The following AKAP12 variants were observed in gnomAD, a reference collection of about 807,000 sequenced individuals.
The protein encoded by AKAP12 is A-kinase anchoring protein 12, also known as A-kinase anchor protein 12.
A neutral mutation model predicts 79.9 loss-of-function variants in AKAP12; 32 were observed. The observed-to-expected ratio is 0.40, with a 90% CI of 0.30 to 0.54. The LOEUF is 0.54. Ranked by LOEUF, AKAP12 falls within the 20% of genes least tolerant of loss-of-function variation. The pLI, the probability that AKAP12 is intolerant of heterozygous loss-of-function variation, is 0.48. For synonymous variants in AKAP12, 808 were observed against 857.0 expected, an observed-to-expected ratio of 0.94 and a Z score of 1.00; for missense variants, 2,074 against 2,177.0, an observed-to-expected ratio of 0.95 and a Z score of 0.94.
chr6:151,275,488 T>C (rs1017950990), intron 2 of AKAP12, among the ~76,000 whole-genome samples: 2 of 152,128 alleles, frequency 1.3e-5, no homozygotes, highest in Admixed American at 6.6e-5. Context: ...AAGAAGGTGG[T>C]CAACAAAACA....
At chr6:151,273,429 A>G (rs2257102) in intron 2 of AKAP12, among the ~76,000 whole-genome samples, 96,232 of 152,020 alleles carry the variant, frequency 0.63, 31,107 homozygotes, top group African/African-American at 0.77. Flanking sequence ...CAGTATATTC[A>G]CATCCAGTGA....
Position 151,356,551 on chromosome 6 carries a change from T to C in AKAP12, c.*837T>C, listed in dbSNP as rs568565358. The C allele has an allele frequency of 6.6e-6, 1 of 152,250 alleles. No individual in the cohort carries two copies. The highest frequency in any genetic ancestry group is 1.5e-5 in the Non-Finnish European group (1 of 68,038). 9.4% of individuals were successfully genotyped at this position (152,250 alleles called of 1,614,324 possible). On this transcript the variant is annotated 3_prime_UTR_variant, in exon 5 of 5. Transcript: ENST00000402676. Reference sequence around the variant, plus strand: ...AGTAGTGAATATGTTTTATATGTTATGAAGAAAAGAATTGTTGTAAGTTTT... The same window carrying C: ...AGTAGTGAATATGTTTTATATGTTACGAAGAAAAGAATTGTTGTAAGTTTT...
chr6:151,268,730 C>G (rs1355336779), intron 2 of AKAP12, among the ~76,000 whole-genome samples: 2 of 152,098 alleles, frequency 1.3e-5, no homozygotes, highest in South Asian at 2.1e-4. Flanking sequence ...GCAACCTCTG[C>G]CTCCTGGGTT....
intron 2 of AKAP12, among the ~76,000 whole-genome samples, chr6:151,260,129 C>G (rs895526635): frequency 2.0e-5 from 3 of 152,114 alleles, no homozygotes; most frequent in African/African-American, 7.2e-5. Context: ...TGTCAGTTCG[C>G]TAACGTTTAT....
chr6:151,357,308 C>T lies in AKAP12; in HGVS notation c.*1594C>T, dbSNP rs1778467744. 1 of 152,322 alleles carries T rather than the reference C, an allele frequency of 6.6e-6. No individual in the cohort carries two copies. The highest frequency in any genetic ancestry group is 1.5e-5 in the Non-Finnish European group (1 of 68,166). The allele number at this position is 152,322 out of a possible 1,614,324, so 9.4% of individuals were successfully genotyped here. ...GATTCCAGCGATTCTCCTGCCTCAG[C>T]CTACATTAAGGGTTTTGTCAGACAA... On this transcript the variant is annotated 3_prime_UTR_variant, in exon 5 of 5. Transcript: ENST00000402676.
intron 3 of AKAP12, among the ~76,000 whole-genome samples, chr6:151,321,909 T>TTG (rs1777399904): frequency 1.0e-5 from 1 of 97,272 alleles, no homozygotes; most frequent in African/African-American, 4.8e-5. Context: ...TTATGTTTTT[T>TTG]TTTTTTTTTT....
intron 2 of AKAP12, among the ~76,000 whole-genome samples, chr6:151,302,500 T>C (rs1476805690): frequency 1.3e-5 from 2 of 152,152 alleles, no homozygotes; most frequent in Admixed American, 6.5e-5. Context: ...TGTGCCTGTG[T>C]GCTATAGTCT....
At chr6:151,300,017 T>A (rs1776826205) in intron 2 of AKAP12, among the ~76,000 whole-genome samples, 1 of 152,214 alleles carries the variant, frequency 6.6e-6, no homozygotes, top group Non-Finnish European at 1.5e-5. Flanking sequence ...GTTTGCGTAT[T>A]TAAAATTCTA....
chr6:151,330,377 T>G (rs1777637785), intron 3 of AKAP12, among the ~76,000 whole-genome samples: 1 of 152,212 alleles, frequency 6.6e-6, no homozygotes, highest in African/African-American at 2.4e-5. Context: ...AATTTGCATA[T>G]ATCTCCGCTT....
intron 2 of AKAP12, among the ~76,000 whole-genome samples, chr6:151,246,449 T>G (rs1582829623): frequency 6.6e-6 from 1 of 152,010 alleles, no homozygotes; most frequent in South Asian, 2.1e-4. Context: ...AACAAAAAAT[T>G]TAACCCTTCC....
chr6:151,348,890 G>A lies in AKAP12; in HGVS notation c.499G>A (p.Ala167Thr). 6.2e-7 allele frequency: 1 copy of A among 1,614,080 alleles called. No individual in the cohort carries two copies. Among genetic ancestry groups the A allele is most frequent in the South Asian group, 1.1e-5 (1 of 91,070 alleles). ...GCTAACACAACCCACTGAGTCCCAG[G>A]CTAATGATATTGGATTTAAGAAGGT... ...EELTQPTESQ[A>T]NDIGFKKVFK... The change falls in exon 4 of 5, where the codon GCT becomes ACT. Residue 167 changes from alanine (A) to threonine (T), a missense_variant. This residue lies in a region of AKAP12 where 1,428 missense variants were observed against 1,451.0 expected (regional missense o/e 0.98). Coordinates refer to ENST00000402676, the MANE Select transcript of AKAP12 (RefSeq NM_005100.4).
At chr6:151,262,590 C>T (rs1797459697) in intron 2 of AKAP12, among the ~76,000 whole-genome samples, 1 of 111,904 alleles carries the variant, frequency 8.9e-6, no homozygotes, top group African/African-American at 3.6e-5. Flanking sequence ...ACTTCAACTT[C>T]AAGTTCAAAC....
In AKAP12 at chr6:151,284,391, C is replaced by T. The variant is rs907861380; in HGVS notation, c.163-21356C>T. ...CTGTAATCCCGGCACTTTGGGAAGC[C>T]GAGGTGGAAGGATCGCTTGAGCCCA... On this transcript the variant is annotated intron_variant, in intron 2 of 4. Transcript: ENST00000402676. Among the ~76,000 whole-genome samples the T allele has an allele frequency of 1.1e-4, 16 of 152,078 alleles. 1 individual carries two copies. The highest frequency in any genetic ancestry group is 3.6e-4 in the African/African-American group (15 of 41,388).
At chr6:151,320,106 G>A (rs1171361068) in intron 3 of AKAP12, among the ~76,000 whole-genome samples, 2 of 152,128 alleles carry the variant, frequency 1.3e-5, no homozygotes, top group East Asian at 3.9e-4. Flanking sequence ...CATCCTTGGA[G>A]GAAGTTGGAG....
At chr6:151,323,507 C>T (rs963177375) in intron 3 of AKAP12, among the ~76,000 whole-genome samples, 2 of 151,156 alleles carry the variant, frequency 1.3e-5, no homozygotes, top group African/African-American at 4.9e-5. Context: ...GAGCCGAGAT[C>T]GCGTCATTGC....
At chr6:151,259,897 C>T (rs1797385613) in intron 2 of AKAP12, among the ~76,000 whole-genome samples, 1 of 112,876 alleles carries the variant, frequency 8.9e-6, no homozygotes, top group Non-Finnish European at 1.7e-5. Context: ...TTCAATGTAA[C>T]TTTCTCTTTT....
At chr6:151,259,509 TATACACACACAC>T (rs1304148586) in intron 2 of AKAP12, among the ~76,000 whole-genome samples, 3 of 92,058 alleles carry the variant, frequency 3.3e-5, no homozygotes, top group African/African-American at 1.2e-4. Context: ...TGTATATATA[TATACACACACAC>T]ACACACACAC....
intron 2 of AKAP12, among the ~76,000 whole-genome samples, chr6:151,257,779 G>C (rs1797330539): frequency 6.6e-6 from 1 of 152,124 alleles, no homozygotes; most frequent in Non-Finnish European, 1.5e-5. Context: ...AGATTATCCT[G>C]ATGAAAGATT....
At chr6:151,314,551 G>A (rs866975514) in intron 3 of AKAP12, among the ~76,000 whole-genome samples, 119 of 152,256 alleles carry the variant, frequency 7.8e-4, no homozygotes, top group African/African-American at 2.4e-3. Flanking sequence ...AATAGGGATT[G>A]GTTATAGCCA....
Sources: allele counts gnomAD v4.1 joint callset (sites outside exome capture counted in the v4.1 genomes callset), GRCh38; gene constraint gnomAD v4.1.1; regional missense constraint gnomAD v4.1.1; transcripts MANE v1.5; gene names NCBI Gene and HGNC (gene_info 2026-07-23, HGNC 2026-07-21).